The following NRG3 variants were observed in gnomAD, a reference collection of about 807,000 sequenced individuals.
NRG3 encodes pro-neuregulin-3, membrane-bound isoform.
In NRG3, 31 loss-of-function variants were observed where a neutral mutation model predicts 66.9. The observed-to-expected ratio is 0.46, with a 90% CI of 0.35 to 0.63. The LOEUF (loss-of-function observed/expected upper bound fraction) is 0.63, where lower values mean the gene tolerates loss of function less well. Ranked by LOEUF, NRG3 falls within the 20% of genes least tolerant of loss-of-function variation. The pLI, the probability that NRG3 is intolerant of heterozygous loss-of-function variation, is 0.00. For missense variants in NRG3, 910 were observed against 878.9 expected, an observed-to-expected ratio of 1.04 and a Z score of -0.45; for synonymous variants, 393 against 359.4, an observed-to-expected ratio of 1.09 and a Z score of -1.06.
intron 1 of NRG3, among the ~76,000 whole-genome samples, chr10:82,069,088 A>G (rs2064655728): frequency 6.6e-6 from 1 of 152,204 alleles, no homozygotes; most frequent in African/African-American, 2.4e-5. Context: ...GATATTTCCC[A>G]TGCCCAGAGA....
At chr10:81,902,094 T>G (rs1844133808) in intron 1 of NRG3, among the ~76,000 whole-genome samples, 1 of 152,184 alleles carries the variant, frequency 6.6e-6, no homozygotes, top group South Asian at 2.1e-4. Context: ...CAAGGGGATC[T>G]CTGCGTATTT....
rs1565085719 is a variant in NRG3 at position 82,574,142 on chromosome 10, A to G, written c.954-164435A>G. 2.0e-5 allele frequency among the ~76,000 whole-genome samples: 3 copies of G among 151,854 alleles called. 1 individual carries two copies. On this transcript the variant is annotated intron_variant, in intron 2 of 8. Transcript: ENST00000372141. Reference sequence around the variant, plus strand: ...AGATATGAACTCAACCTAAGTGTCCATCAATGGATGAATGGATAAGGAAAA... The same window carrying G: ...AGATATGAACTCAACCTAAGTGTCCGTCAATGGATGAATGGATAAGGAAAA...
At chr10:82,317,661 C>T (rs2081364040) in intron 1 of NRG3, among the ~76,000 whole-genome samples, 1 of 152,212 alleles carries the variant, frequency 6.6e-6, no homozygotes. Context: ...TGAAACATAG[C>T]ATATGATCAT....
chr10:82,956,384 A>G (rs777912624), intron 5 of NRG3, among the ~76,000 whole-genome samples: 1 of 151,692 alleles, frequency 6.6e-6, no homozygotes, highest in Non-Finnish European at 1.5e-5. Flanking sequence ...CTCTGTTCCC[A>G]TTTTCTGGGT....
At chr10:82,674,131 A>G (rs148348447) in intron 2 of NRG3, among the ~76,000 whole-genome samples, 3 of 152,298 alleles carry the variant, frequency 2.0e-5, no homozygotes, top group African/African-American at 7.2e-5. Flanking sequence ...GGGACTCTGT[A>G]TGGCAAAATT....
At chr10:82,768,190 A>T (rs890529699) in intron 3 of NRG3, among the ~76,000 whole-genome samples, 1 of 151,886 alleles carries the variant, frequency 6.6e-6, no homozygotes, top group Admixed American at 6.6e-5. Context: ...TCCCCACTTC[A>T]TGTGTTCAGT....
intron 1 of NRG3, chr10:81,878,094 A>G: frequency 6.5e-7 from 1 of 1,529,908 alleles, no homozygotes; most frequent in Middle Eastern, 1.7e-4. Context: ...GAAAAGCCCA[A>G]GGTAATTATT....
intron 3 of NRG3, among the ~76,000 whole-genome samples, chr10:82,749,141 T>G (rs974450333): frequency 9.2e-5 from 14 of 152,154 alleles, no homozygotes; most frequent in Non-Finnish European, 1.6e-4. Context: ...TCTTGACAGT[T>G]GCAACTTCAG....
At chr10:82,877,413 C>G (rs1202654156) in intron 4 of NRG3, among the ~76,000 whole-genome samples, 3 of 118,078 alleles carry the variant, frequency 2.5e-5, no homozygotes, top group Non-Finnish European at 5.0e-5. Context: ...GAATTTCTCT[C>G]TTGTTGCCCA....
At chr10:82,018,834 G>A (rs1400923604) in intron 1 of NRG3, among the ~76,000 whole-genome samples, 1 of 151,526 alleles carries the variant, frequency 6.6e-6, no homozygotes. Context: ...GGAGATTTTG[G>A]GCTGAGACGA....
At chr10:82,973,692 C>T in intron 6 of NRG3, 96 bp from the exon 7 acceptor site, 2 of 1,368,800 alleles carry the variant, frequency 1.5e-6, no homozygotes, top group Non-Finnish European at 2.1e-6. Flanking sequence ...CCAGGAGGAA[C>T]TGGCATTCCA....
chr10:82,769,895 T>G (rs547274350), intron 3 of NRG3, among the ~76,000 whole-genome samples: 1 of 152,252 alleles, frequency 6.6e-6, no homozygotes, highest in Non-Finnish European at 1.5e-5. Flanking sequence ...ACAAGTTGCT[T>G]TGCTTGATAT....
In NRG3 at chr10:82,436,810, G is replaced by A. The variant is rs564948887; in HGVS notation, c.953+77942G>A. 1.2e-3 allele frequency among the ~76,000 whole-genome samples: 176 copies of A among 152,244 alleles called. 1 individual carries two copies. The highest frequency in any genetic ancestry group is 3.9e-3 in the African/African-American group (161 of 41,558). On this transcript the variant is annotated intron_variant, in intron 2 of 8. Transcript: ENST00000372141. Reference sequence around the variant, plus strand: ...TCGCTTATGAAGCTTAGTTTTGCTGGATATGAAATTCTGGGTTGAAAATTA... The same window carrying A: ...TCGCTTATGAAGCTTAGTTTTGCTGAATATGAAATTCTGGGTTGAAAATTA...
chr10:82,175,460 T>G (rs1384076181), intron 1 of NRG3, among the ~76,000 whole-genome samples: 1 of 152,152 alleles, frequency 6.6e-6, no homozygotes, highest in Non-Finnish European at 1.5e-5. Context: ...GACTATACTT[T>G]CCTCTAAATG....
Position 82,171,889 on chromosome 10 carries a change from G to A in NRG3, c.824-186850G>A, listed in dbSNP as rs12256902. Among the ~76,000 whole-genome samples, 1,041 of 152,174 alleles carry A rather than the reference G, an allele frequency of 6.8e-3. 10 individuals are homozygous for A. Among genetic ancestry groups the A allele is most frequent in the African/African-American group, 0.024 (984 of 41,540 alleles). Reference sequence around the variant, plus strand: ...GCTTCCTATATCTTATAAGATCTTAGTAGCCACACCTGGTTGTAAGAGGTG... The same window carrying A: ...GCTTCCTATATCTTATAAGATCTTAATAGCCACACCTGGTTGTAAGAGGTG... On this transcript the variant is annotated intron_variant, in intron 1 of 8. Transcript: ENST00000372141.
At chr10:82,847,150 AG>A (rs1228077316) in intron 3 of NRG3, among the ~76,000 whole-genome samples, 1 of 152,220 alleles carries the variant, frequency 6.6e-6, no homozygotes, top group African/African-American at 2.4e-5. Flanking sequence ...TCCAGGCTGA[AG>A]AAAGAGGGCA....
At chr10:82,195,150 C>T (rs1019714469) in intron 1 of NRG3, among the ~76,000 whole-genome samples, 8 of 152,194 alleles carry the variant, frequency 5.3e-5, no homozygotes, top group African/African-American at 1.4e-4. Context: ...GAACAAGAAG[C>T]GTCCATGGTG....
chr10:82,079,093 G>A (rs529398209), intron 1 of NRG3, among the ~76,000 whole-genome samples: 1 of 151,218 alleles, frequency 6.6e-6, no homozygotes, highest in East Asian at 1.9e-4. Flanking sequence ...TTGAGATGGA[G>A]TTCCACTCTT....
chr10:82,544,583 G>C (rs922607080), intron 2 of NRG3, among the ~76,000 whole-genome samples: 2 of 152,112 alleles, frequency 1.3e-5, no homozygotes, highest in African/African-American at 4.8e-5. Context: ...TCTTTACCCT[G>C]AAAGGAAATG....
Sources: allele counts gnomAD v4.1 joint callset (sites outside exome capture counted in the v4.1 genomes callset), GRCh38; gene constraint gnomAD v4.1.1; transcripts MANE v1.5; gene names NCBI Gene and HGNC (gene_info 2026-07-23, HGNC 2026-07-21).